Variants in CEP350 observed in about 807,000 individuals in gnomAD.
The protein encoded by CEP350 is centrosomal protein 350.
A neutral mutation model predicts 331.8 loss-of-function variants in CEP350; 126 were observed. The observed-to-expected ratio is 0.38, with a 90% CI of 0.33 to 0.44. The LOEUF is 0.44. Among genes scored for constraint, CEP350 ranks in the 20% least tolerant of loss-of-function variants. The pLI is 1.00. For synonymous variants in CEP350, 1,200 were observed against 1,259.5 expected, an observed-to-expected ratio of 0.95 and a Z score of 1.00; for missense variants, 3,406 against 3,634.6, an observed-to-expected ratio of 0.94 and a Z score of 1.62.
chr1:179,995,249 C>G (rs1458783684), intron 5 of CEP350, among the ~76,000 whole-genome samples: 1 of 151,958 alleles, frequency 6.6e-6, no homozygotes, highest in Non-Finnish European at 1.5e-5. Flanking sequence ...TTCATGTGCT[C>G]TTCTCACTGC....
At chr1:180,030,309 A>ATGTATG (rs374991672) in intron 14 of CEP350, among the ~76,000 whole-genome samples, 3 of 144,594 alleles carry the variant, frequency 2.1e-5, no homozygotes, top group African/African-American at 7.5e-5. Context: ...ATATATGTGT[A>ATGTATG]TATATGTATA....
intron 27 of CEP350, among the ~76,000 whole-genome samples, chr1:180,067,569 A>G (rs938374891): frequency 3.3e-5 from 5 of 152,148 alleles, no homozygotes; most frequent in African/African-American, 4.8e-5. Context: ...CATGCCTGTA[A>G]TCACAGCTAC....
chr1:180,079,293 AG>A (rs1231134253), intron 29 of CEP350, among the ~76,000 whole-genome samples: 2 of 151,824 alleles, frequency 1.3e-5, no homozygotes, highest in Admixed American at 6.6e-5. Flanking sequence ...GGTATACTAA[AG>A]TATACACAGA....
chr1:179,985,237 G>A (rs1652569074), intron 1 of CEP350, among the ~76,000 whole-genome samples: 1 of 152,092 alleles, frequency 6.6e-6, no homozygotes, highest in Non-Finnish European at 1.5e-5. Context: ...TCTCATGTAA[G>A]TGGCACCATA....
chr1:180,015,347 A>G (rs1057229018), intron 10 of CEP350, among the ~76,000 whole-genome samples: 3 of 151,822 alleles, frequency 2.0e-5, no homozygotes, highest in Non-Finnish European at 1.5e-5. Context: ...CCATTCTCCT[A>G]CTTCAGCCTC....
Position 180,095,868 on chromosome 1 carries a change from C to T in CEP350, c.8857C>T (p.Leu2953=). ...DLHSISIPTK[L]LGCASKGLDI... Reference sequence around the variant, plus strand: ...TCATAGCATCAGTATTCCTACAAAACTGCTTGGCTGTGCCAGTAAAGGTCT... The same window carrying T: ...TCATAGCATCAGTATTCCTACAAAATTGCTTGGCTGTGCCAGTAAAGGTCT... The change falls in exon 35 of 38, where the codon CTG becomes TTG. Residue 2953 remains leucine (L), a synonymous_variant. Transcript: ENST00000367607. 4 of 1,613,340 alleles carry T rather than the reference C, an allele frequency of 2.5e-6. No individual in the cohort carries two copies. The highest frequency in any genetic ancestry group is 3.4e-6 in the Non-Finnish European group (4 of 1,179,666).
intron 27 of CEP350, among the ~76,000 whole-genome samples, chr1:180,074,711 A>C (rs1398566336): frequency 6.6e-6 from 1 of 152,216 alleles, no homozygotes; most frequent in Non-Finnish European, 1.5e-5. Flanking sequence ...CCTACAAAAA[A>C]TGAATATCTA....
At position 180,011,959 on chromosome 1, in the gene CEP350, G is replaced by A; in HGVS notation, c.1277G>A (p.Trp426Ter). Reference protein sequence around the residue: ...GSSHLISTSSWRDGQKLVKKI... With the variant: ...GSSHLISTSS Reference sequence around the variant, plus strand: ...AGTCATCTTATAAGTACATCTTCTTGGCGAGATGGACAAAAATTAGTAAAG... The same window carrying A: ...AGTCATCTTATAAGTACATCTTCTTAGCGAGATGGACAAAAATTAGTAAAG... Residue 426 changes from tryptophan to a stop codon, truncating the protein, a stop_gained, in exon 9 of 38, where the codon TGG becomes TAG. Coordinates refer to ENST00000367607, the MANE Select transcript of CEP350 (RefSeq NM_014810.5). LOFTEE classifies it high-confidence loss of function. 6.2e-7 allele frequency: 1 copy of A among 1,602,438 alleles called. No homozygotes were observed. The highest frequency in any genetic ancestry group is 8.5e-7 in the Non-Finnish European group (1 of 1,173,600).
chr1:180,068,934 T>TG (rs1491494320), intron 27 of CEP350, among the ~76,000 whole-genome samples: 2 of 152,226 alleles, frequency 1.3e-5, no homozygotes, highest in African/African-American at 4.8e-5. Context: ...GTATGATATA[T>TG]GTCAAGGACA....
intron 7 of CEP350, among the ~76,000 whole-genome samples, chr1:180,004,906 G>GCTTGCTTGCTTTCTTGCTTT (rs1363516834): frequency 1.1e-4 from 15 of 130,794 alleles, no homozygotes; most frequent in African/African-American, 4.7e-4. Context: ...TTGCTTGCTT[G>GCTTGCTTGCTTTCTTGCTTT]CTTTCTTTCT....
chr1:179,961,645 G>A (rs1337561486), intron 1 of CEP350, among the ~76,000 whole-genome samples: 2 of 151,954 alleles, frequency 1.3e-5, no homozygotes, highest in Admixed American at 6.6e-5. Context: ...GCTTTAATAC[G>A]GTTTGTTTCT....
At chr1:180,072,578 A>G (rs1363183782) in intron 27 of CEP350, among the ~76,000 whole-genome samples, 1 of 152,222 alleles carries the variant, frequency 6.6e-6, no homozygotes, top group Non-Finnish European at 1.5e-5. Flanking sequence ...CTTGAAATTT[A>G]GCAAAACTGT....
At chr1:179,959,378 A>G (rs1650418224) in intron 1 of CEP350, among the ~76,000 whole-genome samples, 1 of 151,898 alleles carries the variant, frequency 6.6e-6, no homozygotes, top group African/African-American at 2.4e-5. Flanking sequence ...TGCTTGAACC[A>G]GGGAGGTGGA....
chr1:180,088,145 G>T (rs188860400), intron 32 of CEP350, among the ~76,000 whole-genome samples: 8 of 151,958 alleles, frequency 5.3e-5, no homozygotes, highest in African/African-American at 1.9e-4. Context: ...AATAACATTC[G>T]TTATATTCTT....
chr1:179,957,727 A>G (rs1650272569), intron 1 of CEP350, among the ~76,000 whole-genome samples: 1 of 152,234 alleles, frequency 6.6e-6, no homozygotes, highest in Admixed American at 6.5e-5. Context: ...CAAGGGAATG[A>G]CAGCCTGGGA....
At chr1:180,053,191 G>A (rs1657616913) in intron 23 of CEP350, 25 bp downstream of exon 23, 2 of 1,374,366 alleles carry the variant, frequency 1.5e-6, no homozygotes, top group Non-Finnish European at 2.0e-6. Flanking sequence ...ATCTGTGGAG[G>A]TAAATGGTTG....
chr1:180,074,336 C>T (rs960807626), intron 27 of CEP350, among the ~76,000 whole-genome samples: 1 of 152,146 alleles, frequency 6.6e-6, no homozygotes, highest in Non-Finnish European at 1.5e-5. Flanking sequence ...GTTCAGAAAT[C>T]AGGTTAAATT....
intron 16 of CEP350, among the ~76,000 whole-genome samples, chr1:180,036,224 G>A (rs1656347499): frequency 6.6e-6 from 1 of 152,206 alleles, no homozygotes. Flanking sequence ...TTATGCATGA[G>A]CAAAGAAAGT....
chr1:180,057,496 T>C (rs1657932140), intron 25 of CEP350, among the ~76,000 whole-genome samples: 1 of 151,922 alleles, frequency 6.6e-6, no homozygotes, highest in Non-Finnish European at 1.5e-5. Flanking sequence ...TGTGCCTCTA[T>C]TATTACTATT....
Sources: gnomAD v4.1 joint callset for allele counts (sites outside exome capture counted in the v4.1 genomes callset) on GRCh38, gnomAD v4.1.1 for gene constraint, MANE v1.5 for transcripts, NCBI Gene and HGNC (gene_info 2026-07-23, HGNC 2026-07-21) for gene names.